The following CACNA2D1 variants were observed in gnomAD, a reference collection of about 807,000 sequenced individuals.
CACNA2D1 encodes calcium voltage-gated channel auxiliary subunit alpha2delta 1.
CACNA2D1 carries 53 observed loss-of-function variants against 171.5 expected under a neutral mutation model. The observed-to-expected ratio is 0.31, with a 90% CI of 0.25 to 0.39. The LOEUF is 0.39. Among genes scored for constraint, CACNA2D1 ranks in the 10% least tolerant of loss-of-function variants. The pLI, the probability that CACNA2D1 is intolerant of heterozygous loss-of-function variation, is 1.00. For synonymous variants in CACNA2D1, 442 were observed against 443.1 expected, an observed-to-expected ratio of 1.00 and a Z score of 0.03; for missense variants, 903 against 1,299.8, an observed-to-expected ratio of 0.69 and a Z score of 4.69.
intron 3 of CACNA2D1, among the ~76,000 whole-genome samples, chr7:82,275,903 C>T (rs1040393073): frequency 3.9e-5 from 6 of 152,062 alleles, no homozygotes; most frequent in East Asian, 1.9e-4. Flanking sequence ...TCTGAACTGC[C>T]GTTTATTTAA....
chr7:82,329,283 G>A (rs1817006574), intron 3 of CACNA2D1, among the ~76,000 whole-genome samples: 1 of 152,122 alleles, frequency 6.6e-6, no homozygotes, highest in Non-Finnish European at 1.5e-5. Flanking sequence ...AAGAGTTGGA[G>A]TATATTACAG....
chr7:82,005,210 G>T, intron 18 of CACNA2D1: 1 of 523,132 alleles, frequency 1.9e-6, no homozygotes, highest in South Asian at 2.5e-5. Flanking sequence ...AGATAAAAAT[G>T]TTGCAGCTAA....
chr7:82,144,617 T>C (rs1792772423), intron 4 of CACNA2D1, among the ~76,000 whole-genome samples: 1 of 146,858 alleles, frequency 6.8e-6, no homozygotes, highest in Non-Finnish European at 1.5e-5. Flanking sequence ...CAATGTTTCC[T>C]TAGCTCCTAT....
chr7:81,983,469 TG>T (rs1796644120), intron 22 of CACNA2D1, 135 bp from the exon 23 acceptor site: 1 of 724,852 alleles, frequency 1.4e-6, no homozygotes, highest in Non-Finnish European at 2.5e-6. Context: ...GGTTCATTTA[TG>T]TACAGCTGTA....
chr7:82,049,126 T>TAA (rs10652736), intron 10 of CACNA2D1, among the ~76,000 whole-genome samples: 62,981 of 138,814 alleles, frequency 0.45, 16,022 homozygotes, highest in African/African-American at 0.7. Context: ...TGGCAACTCA[T>TAA]AAAAAAAAAA....
At chr7:82,133,981 G>C (rs191787563) in intron 5 of CACNA2D1, among the ~76,000 whole-genome samples, 3 of 152,142 alleles carry the variant, frequency 2.0e-5, no homozygotes, top group Non-Finnish European at 4.4e-5. Context: ...GCTGTGGCAG[G>C]AGAATGGCGT....
At chr7:82,243,464 A>G (rs1396572204) in intron 3 of CACNA2D1, among the ~76,000 whole-genome samples, 3 of 152,230 alleles carry the variant, frequency 2.0e-5, no homozygotes, top group Non-Finnish European at 2.9e-5. Context: ...TCTCAATTAT[A>G]CCCGAGTAAC....
In CACNA2D1 at chr7:82,100,971, G is replaced by A. The variant is rs116264306; in HGVS notation, c.527-16071C>T. On this transcript the variant is annotated intron_variant, in intron 6 of 38. Transcript: ENST00000356860. The stretch of plus-strand genomic sequence containing the variant: ...AACTCTTTGAAATATAATGGAATTA[G>A]AATATTTGGCAATATTTCATGCTGA... 2.5e-3 allele frequency among the ~76,000 whole-genome samples: 387 copies of A among 152,006 alleles called. 1 individual carries two copies. Among genetic ancestry groups the A allele is most frequent in the African/African-American group, 8.5e-3 (351 of 41,496 alleles).
intron 5 of CACNA2D1, among the ~76,000 whole-genome samples, chr7:82,125,205 A>G (rs1790196723): frequency 6.6e-6 from 1 of 152,230 alleles, no homozygotes; most frequent in Non-Finnish European, 1.5e-5. Flanking sequence ...TGATCAATAA[A>G]ATAAAAAGGA....
At chr7:82,233,908 T>A (rs2129282831) in intron 3 of CACNA2D1, among the ~76,000 whole-genome samples, 1 of 152,250 alleles carries the variant, frequency 6.6e-6, no homozygotes, top group East Asian at 1.9e-4. Flanking sequence ...TTTCTAAGTA[T>A]ATAAAGTTGT....
At chr7:82,041,026 C>T (rs1803896768) in intron 10 of CACNA2D1, among the ~76,000 whole-genome samples, 1 of 125,864 alleles carries the variant, frequency 7.9e-6, no homozygotes, top group Non-Finnish European at 1.7e-5. Context: ...GTGAACTCAT[C>T]CACATTATGT....
rs59823054 is a variant in CACNA2D1, at chr7:81,955,905, TG to T, written c.3159+3369del. On this transcript the variant is annotated intron_variant, in intron 38 of 38. Transcript: ENST00000356860. Reference sequence around the variant, plus strand: ...CCATAATAGGAAAATGTTATTTTGGTGGGGGGGGGGGGGGGTGGTGGTCTTA... The same window carrying T: ...CCATAATAGGAAAATGTTATTTTGGTGGGGGGGGGGGGGGTGGTGGTCTTA... 3.2e-3 allele frequency among the ~76,000 whole-genome samples: 175 copies of T among 53,874 alleles called. 1 individual carries two copies. Among genetic ancestry groups the T allele is most frequent in the Middle Eastern group, 0.014 (1 of 72 alleles). The allele number at this position is 53,874 out of a possible 152,430, so 35.3% of individuals were successfully genotyped here. A position where few individuals can be genotyped will look rare whatever the true frequency, so the allele number is the denominator to read the frequency against.
intron 1 of CACNA2D1, among the ~76,000 whole-genome samples, chr7:82,386,767 T>TAAAG (rs1298608994): frequency 2.2e-4 from 32 of 144,848 alleles, no homozygotes; most frequent in African/African-American, 7.7e-4. Flanking sequence ...AATAAATAAA[T>TAAAG]AAATAAATAA....
At chr7:82,044,274 T>C (rs1047249785) in intron 10 of CACNA2D1, among the ~76,000 whole-genome samples, 1 of 152,194 alleles carries the variant, frequency 6.6e-6, no homozygotes, top group Non-Finnish European at 1.5e-5. Context: ...AGGCTTTCTT[T>C]AGGGTACTTT....
intron 3 of CACNA2D1, among the ~76,000 whole-genome samples, chr7:82,202,170 G>A (rs914475649): frequency 6.6e-6 from 1 of 152,156 alleles, no homozygotes; most frequent in African/African-American, 2.4e-5. Flanking sequence ...GTATGTACAA[G>A]GTATAACTAC....
intron 1 of CACNA2D1, among the ~76,000 whole-genome samples, chr7:82,408,464 A>G (rs956382169): frequency 1.3e-5 from 2 of 152,176 alleles, no homozygotes; most frequent in African/African-American, 4.8e-5. Flanking sequence ...GATACTTTGT[A>G]TGACATCTGA....
chr7:82,286,307 C>G (rs1327010005), intron 3 of CACNA2D1, among the ~76,000 whole-genome samples: 2 of 152,080 alleles, frequency 1.3e-5, no homozygotes, highest in Non-Finnish European at 2.9e-5. Context: ...TGGTGCTTGT[C>G]CTCTGCTCTC....
intron 18 of CACNA2D1, among the ~76,000 whole-genome samples, chr7:82,003,350 GA>G (rs1798790765): frequency 6.6e-6 from 1 of 151,920 alleles, no homozygotes; most frequent in Non-Finnish European, 1.5e-5. Flanking sequence ...TAATATGGAA[GA>G]AAAATATCAA....
chr7:82,120,490 T>C (rs1215686139), intron 5 of CACNA2D1, among the ~76,000 whole-genome samples: 2 of 152,160 alleles, frequency 1.3e-5, no homozygotes, highest in Non-Finnish European at 2.9e-5. Context: ...TTATCAAAGA[T>C]AGGATGTGTT....
Sources: gnomAD v4.1 joint callset for allele counts (sites outside exome capture counted in the v4.1 genomes callset) on GRCh38, gnomAD v4.1.1 for gene constraint, MANE v1.5 for transcripts, NCBI Gene and HGNC (gene_info 2026-07-23, HGNC 2026-07-21) for gene names.